The following IGF1 variants were observed in gnomAD, a reference collection of about 807,000 sequenced individuals.
IGF1 encodes the protein insulin-like growth factor 1.
A neutral mutation model predicts 13.8 loss-of-function variants in IGF1; 4 were observed. The ratio of observed to expected loss-of-function variants is 0.29; its 90% CI spans 0.14 to 0.66. The LOEUF is 0.66. Ranked by LOEUF, IGF1 falls within the 30% of genes least tolerant of loss-of-function variation. IGF1 has a pLI of 0.78. For missense variants in IGF1, 124 were observed against 188.5 expected (o/e 0.66, Z 2.00); for synonymous variants, 76 against 72.6 (o/e 1.05, Z -0.23).
At chr12:102,445,405 G>A (rs1878227466) in intron 2 of IGF1, among the ~76,000 whole-genome samples, 2 of 152,028 alleles carry the variant, frequency 1.3e-5, no homozygotes, top group African/African-American at 2.4e-5. Flanking sequence ...TGTCCTCTCT[G>A]ATTACCTTGA....
intron 2 of IGF1, among the ~76,000 whole-genome samples, chr12:102,435,948 T>TA (rs1877188829): frequency 6.6e-6 from 1 of 152,196 alleles, no homozygotes; most frequent in East Asian, 1.9e-4. Context: ...AATATGTGTG[T>TA]ATATAATATA....
intron 3 of IGF1, among the ~76,000 whole-genome samples, chr12:102,407,093 CCAAAAAA>C (rs1874219371): frequency 4.0e-5 from 1 of 25,302 alleles, no homozygotes; most frequent in African/African-American, 1.8e-4. Flanking sequence ...AACTCTGTCT[CCAAAAAA>C]AAAAAAAAAA....
intron 2 of IGF1, among the ~76,000 whole-genome samples, chr12:102,424,556 C>T (rs983232003): frequency 6.6e-6 from 1 of 152,032 alleles, no homozygotes; most frequent in Non-Finnish European, 1.5e-5. Context: ...CCCTGGGCCG[C>T]CTTATTTAAT....
chr12:102,441,958 T>TTCTTC lies in IGF1; in HGVS notation c.221-22269_221-22268insGAAGA, dbSNP rs1180940405. Among the ~76,000 whole-genome samples the TTCTTC allele has an allele frequency of 5.2e-3, 214 of 41,178 alleles. 2 individuals are homozygous for TTCTTC. Among genetic ancestry groups the TTCTTC allele is most frequent in the East Asian group, 0.037 (49 of 1,314 alleles). The allele number at this position is 41,178 out of a possible 152,430, so 27.0% of individuals were successfully genotyped here. On this transcript the variant is annotated intron_variant, in intron 2 of 3. Coordinates refer to ENST00000337514, the MANE Select transcript of IGF1 (RefSeq NM_000618.5). ...TCTTCTTCTTCTTCTTCTTCTTCTT[T>TTCTTC]TTTTTTTTTGAGACAGGGTTTTGCA... is the stretch of plus-strand genomic sequence containing the variant.
intron 2 of IGF1, among the ~76,000 whole-genome samples, chr12:102,466,733 C>A (rs763439990): frequency 1.5e-4 from 23 of 152,038 alleles, no homozygotes; most frequent in Admixed American, 7.9e-4. Flanking sequence ...AAAACCCCAT[C>A]TCTACAAAAA....
chr12:102,470,995 T>A (rs1202329685), intron 2 of IGF1, among the ~76,000 whole-genome samples: 2 of 152,170 alleles, frequency 1.3e-5, no homozygotes, highest in Non-Finnish European at 2.9e-5. Context: ...AAAATGACAG[T>A]CTGTTTTCAT....
At chr12:102,465,156 A>G (rs530235005) in intron 2 of IGF1, among the ~76,000 whole-genome samples, 1 of 152,346 alleles carries the variant, frequency 6.6e-6, no homozygotes, top group Non-Finnish European at 1.5e-5. Flanking sequence ...AATGAGGTTG[A>G]GAAGATACAC....
Position 102,398,878 on chromosome 12 carries a change from G to A in IGF1, c.*3629C>T, listed in dbSNP as rs1243536278. 1 of 151,952 alleles carries A rather than the reference G, an allele frequency of 6.6e-6. No individual in the cohort carries two copies. Among genetic ancestry groups the A allele is most frequent in the Non-Finnish European group, 1.5e-5 (1 of 67,938 alleles). The allele number at this position is 151,952 out of a possible 1,614,324, so 9.4% of individuals were successfully genotyped here. ...AGCTGGCCAAACAATAAATGGGAAA[G>A]CAAAATGTGCTACATCTTTTATTCT... On this transcript the variant is annotated 3_prime_UTR_variant, in exon 4 of 4. Transcript: ENST00000337514.
At chr12:102,415,490 A>T (rs564534991) in intron 3 of IGF1, among the ~76,000 whole-genome samples, 4 of 150,918 alleles carry the variant, frequency 2.7e-5, no homozygotes, top group African/African-American at 7.3e-5. Context: ...TATAGTACAT[A>T]GTTTGCTAGT....
chr12:102,415,317 C>T (rs1185986987), intron 3 of IGF1, among the ~76,000 whole-genome samples: 1 of 151,868 alleles, frequency 6.6e-6, no homozygotes, highest in Non-Finnish European at 1.5e-5. Flanking sequence ...ACATTATATG[C>T]CATGTATCAC....
At chr12:102,417,621 T>A (rs1875261276) in intron 3 of IGF1, 2 of 1,347,576 alleles carry the variant, frequency 1.5e-6, no homozygotes, top group Non-Finnish European at 1.9e-6. Context: ...TTCTAGGGCA[T>A]TACATTTTTC....
At chr12:102,422,502 C>T (rs946828084) in intron 2 of IGF1, among the ~76,000 whole-genome samples, 1 of 152,170 alleles carries the variant, frequency 6.6e-6, no homozygotes, top group Non-Finnish European at 1.5e-5. Context: ...ACAAAAAACT[C>T]ATTTCTCGCC....
chr12:102,446,025 T>G (rs1053806410), intron 2 of IGF1, among the ~76,000 whole-genome samples: 6 of 152,224 alleles, frequency 3.9e-5, no homozygotes, highest in African/African-American at 1.4e-4. Context: ...GTTTATGTGA[T>G]GGATTATGTT....
At chr12:102,481,071 C>T (rs769145576), upstream of IGF1, among the ~76,000 whole-genome samples, 4 of 152,174 alleles carry the variant, frequency 2.6e-5, no homozygotes, top group African/African-American at 9.7e-5. Flanking sequence ...CCCCTTGTCC[C>T]AGTTGCCAAG....
At chr12:102,441,906 G>GCTGCTGCTGCTCCTTCTTCTTCTTCTT in intron 2 of IGF1, among the ~76,000 whole-genome samples, 1 of 100,292 alleles carries the variant, frequency 1.0e-5, no homozygotes, top group African/African-American at 3.9e-5. Flanking sequence ...CTATTACACT[G>GCTGCTGCTGCTCCTTCTTCTTCTTCTT]CTTCTTCTCC....
intron 2 of IGF1, among the ~76,000 whole-genome samples, chr12:102,438,081 T>C (rs1298466717): frequency 6.6e-6 from 1 of 152,186 alleles, no homozygotes; most frequent in Non-Finnish European, 1.5e-5. Flanking sequence ...TGTATGTTTG[T>C]GGATTTTCCT....
At chr12:102,478,942 A>G (rs1881243608) in intron 1 of IGF1, among the ~76,000 whole-genome samples, 1 of 152,204 alleles carries the variant, frequency 6.6e-6, no homozygotes. Context: ...CAGCTCCCTC[A>G]AACCACTTCC....
At chr12:102,452,121 G>A (rs1878996070) in intron 2 of IGF1, among the ~76,000 whole-genome samples, 1 of 151,606 alleles carries the variant, frequency 6.6e-6, no homozygotes. Context: ...AATTAGCCGG[G>A]CGTGGTAGCG....
upstream of IGF1, among the ~76,000 whole-genome samples, chr12:102,481,347 CTGTGTGTGTGTGTG>C (rs3033407): frequency 2.1e-4 from 30 of 140,376 alleles, no homozygotes; most frequent in East Asian, 2.9e-3. Flanking sequence ...TAACTCAAAC[CTGTGTGTGTGTGTG>C]TGTGTGTGTG....
Sources: gnomAD v4.1 joint callset for allele counts (sites outside exome capture counted in the v4.1 genomes callset) on GRCh38, gnomAD v4.1.1 for gene constraint, MANE v1.5 for transcripts, NCBI Gene and HGNC (gene_info 2026-07-23, HGNC 2026-07-21) for gene names.